ARMC2: variants seen among roughly 807,000 people sequenced by gnomAD.
ARMC2 encodes armadillo repeat-containing protein 2.
Under a neutral mutation model 90.3 loss-of-function variants are expected in ARMC2, and 67 were observed. That is an observed-to-expected ratio of 0.74 (90% CI 0.61 to 0.91). The LOEUF is 0.91. ARMC2 is among the 40% of genes least tolerant of loss of function. The pLI, the probability that ARMC2 is intolerant of heterozygous loss-of-function variation, is 0.00. For missense variants in ARMC2, 920 were observed against 1,030.9 expected (o/e 0.89, Z 1.47); for synonymous variants, 393 against 393.0 (o/e 1.00, Z 0.00).
At chr6:108,945,126 T>TA (rs781656316) in intron 12 of ARMC2, among the ~76,000 whole-genome samples, 3 of 152,100 alleles carry the variant, frequency 2.0e-5, no homozygotes, top group Non-Finnish European at 2.9e-5. Context: ...TTGTCTGCTT[T>TA]ATGGTGTAAA....
At chr6:108,934,876 G>T (rs1775834582) in intron 11 of ARMC2, among the ~76,000 whole-genome samples, 1 of 151,760 alleles carries the variant, frequency 6.6e-6, no homozygotes, top group African/African-American at 2.4e-5. Context: ...ACAGATATTT[G>T]TATAGCACTT....
At chr6:108,997,487 A>C in the ARMC2 span, among the ~76,000 whole-genome samples, 1 of 152,174 alleles carries the variant, frequency 6.6e-6, no homozygotes, top group African/African-American at 2.4e-5. Flanking sequence ...CCTTGGGAAA[A>C]TTATTCTTTC....
intron 4 of ARMC2, among the ~76,000 whole-genome samples, chr6:108,872,799 TTCCAGGGAAC>T (rs1442628955): frequency 6.6e-6 from 1 of 152,148 alleles, no homozygotes; most frequent in East Asian, 1.9e-4. Flanking sequence ...CCAAACTGAG[TTCCAGGGAAC>T]TCCAGGGAAC....
intron 7 of ARMC2, among the ~76,000 whole-genome samples, chr6:108,901,219 T>C (rs531459850): frequency 6.9e-6 from 1 of 144,854 alleles, no homozygotes; most frequent in African/African-American, 2.5e-5. Context: ...GTTCAAGCTA[T>C]TCTCCTGCCT....
rs2128522588 is a variant in ARMC2 at position 108,973,807 on chromosome 6, T to C, written c.*293T>C. ...TCTCTATTAAACAATTTAGTTCTAGTCTTAAAATCTTGATTTAACAATTTT... is the reference window on the plus strand; with the variant it reads ...TCTCTATTAAACAATTTAGTTCTAGCCTTAAAATCTTGATTTAACAATTTT... On this transcript the variant is annotated 3_prime_UTR_variant, in exon 18 of 18. Coordinates refer to ENST00000392644, the MANE Select transcript of ARMC2 (RefSeq NM_032131.6). 1 of 242,656 alleles carries C rather than the reference T, an allele frequency of 4.1e-6. No individual in the cohort carries two copies. The highest frequency in any genetic ancestry group is 8.0e-6 in the Non-Finnish European group (1 of 124,496). 15.0% of individuals were successfully genotyped at this position (242,656 alleles called of 1,614,324 possible). A position where few individuals can be genotyped will look rare whatever the true frequency, so the allele number is the denominator to read the frequency against.
chr6:108,911,323 A>T (rs1223029981), intron 9 of ARMC2, among the ~76,000 whole-genome samples: 1 of 152,204 alleles, frequency 6.6e-6, no homozygotes, highest in East Asian at 1.9e-4. Flanking sequence ...GACATAGTTG[A>T]AAATTTTAGT....
rs780378529 is a variant in ARMC2, at chr6:108,964,288, T to G, written c.2261T>G (p.Leu754Trp). The G allele has an allele frequency of 6.2e-7, 1 of 1,613,946 alleles. No homozygotes were observed. Among genetic ancestry groups the G allele is most frequent in the Admixed American group, 1.7e-5 (1 of 60,008 alleles). Residue 754 changes from leucine to tryptophan, a missense_variant, in exon 16 of 18, where the codon TTG (leucine) becomes TGG (tryptophan). Coordinates refer to ENST00000392644, the MANE Select transcript of ARMC2 (RefSeq NM_032131.6). ...LTVDKDKRVI[L>W]KEGGGIKKLV... Reference sequence around the variant, plus strand: ...GTGGATAAAGACAAGCGTGTCATCTTGAAAGAAGGAGGTGGCATTAAAAAG... The same window carrying G: ...GTGGATAAAGACAAGCGTGTCATCTGGAAAGAAGGAGGTGGCATTAAAAAG...
At chr6:108,899,564 C>A in intron 6 of ARMC2, 130 bp from the exon 7 acceptor site, 1 of 715,988 alleles carries the variant, frequency 1.4e-6, no homozygotes, top group Non-Finnish European at 2.4e-6. Flanking sequence ...AATAGTCAGG[C>A]TTGGAGAGCA....
intron 17 of ARMC2, among the ~76,000 whole-genome samples, chr6:108,970,499 T>TC (rs1187212083): frequency 2.1e-5 from 3 of 139,744 alleles, no homozygotes; most frequent in Non-Finnish European, 4.7e-5. Flanking sequence ...CTTTTCTTTT[T>TC]TTTTTTTTTT....
intron 17 of ARMC2, among the ~76,000 whole-genome samples, chr6:108,968,834 T>G (rs1778558772): frequency 6.6e-6 from 1 of 152,182 alleles, no homozygotes; most frequent in Non-Finnish European, 1.5e-5. Flanking sequence ...TTTTTCTTGC[T>G]GAGTGACTAG....
intron 4 of ARMC2, among the ~76,000 whole-genome samples, chr6:108,870,436 T>C (rs560274964): frequency 1.1e-4 from 17 of 151,810 alleles, no homozygotes; most frequent in Non-Finnish European, 2.4e-4. Context: ...CCTGTGCCAT[T>C]CACTTGCCTG....
chr6:108,940,178 A>G (rs980738785), intron 12 of ARMC2, among the ~76,000 whole-genome samples: 1 of 152,212 alleles, frequency 6.6e-6, no homozygotes, highest in African/African-American at 2.4e-5. Flanking sequence ...AGGCAGGAGA[A>G]TCGCTTGAAC....
rs537352865 is a variant in ARMC2 at position 108,934,688 on chromosome 6, G to C, written c.1497-2212G>C. On this transcript the variant is annotated intron_variant, in intron 11 of 17. Coordinates refer to ENST00000392644, the MANE Select transcript of ARMC2 (RefSeq NM_032131.6). The stretch of plus-strand genomic sequence containing the variant: ...TACTGATTCAATTTCTTCCCATATG[G>C]TTATATGTTTCTCATTTCTACTTGG... Among the ~76,000 whole-genome samples the C allele has an allele frequency of 5.3e-5, 8 of 152,212 alleles. No individual in the cohort carries two copies. In the South Asian group the frequency reaches 1.5e-3, roughly 28 times the overall value.
At chr6:108,978,973 A>G (rs1779037033), downstream of ARMC2, among the ~76,000 whole-genome samples, 1 of 152,104 alleles carries the variant, frequency 6.6e-6, no homozygotes, top group African/African-American at 2.4e-5. Context: ...GTGTCTTTTA[A>G]TTGGGACATT....
At chr6:108,948,163 A>G in intron 12 of ARMC2, among the ~76,000 whole-genome samples, 1 of 152,214 alleles carries the variant, frequency 6.6e-6, no homozygotes, top group East Asian at 1.9e-4. Flanking sequence ...GGAACAGTAG[A>G]TAATCTCTCC....
chr6:108,899,562 G>C, intron 6 of ARMC2, 132 bp from the exon 7 acceptor site: 2 of 709,630 alleles, frequency 2.8e-6, no homozygotes. Context: ...GAAATAGTCA[G>C]GCTTGGAGAG....
At chr6:108,904,452 C>T (rs1468891253) in intron 8 of ARMC2, 47 bp downstream of exon 8, 4 of 1,475,552 alleles carry the variant, frequency 2.7e-6, no homozygotes, top group East Asian at 2.3e-5. Context: ...CACATAAAAG[C>T]TTTGTTTAAT....
chr6:108,998,334 T>C, the ARMC2 span: 1 of 623,080 alleles, frequency 1.6e-6, no homozygotes, highest in Non-Finnish European at 2.7e-6. Flanking sequence ...GTATATCACC[T>C]AGACTAGTGA....
the ARMC2 span, among the ~76,000 whole-genome samples, chr6:109,028,499 G>A: frequency 3.3e-5 from 5 of 152,038 alleles, no homozygotes; most frequent in Non-Finnish European, 7.4e-5. Context: ...ACTGTCTGAT[G>A]AGTTTCTACT....
Sources: allele counts gnomAD v4.1 joint callset (sites outside exome capture counted in the v4.1 genomes callset), GRCh38; gene constraint gnomAD v4.1.1; transcripts MANE v1.5; gene names NCBI Gene and HGNC (gene_info 2026-07-23, HGNC 2026-07-21).